The following SSH2 variants were observed in gnomAD, a reference collection of about 807,000 sequenced individuals.
SSH2 encodes the protein slingshot protein phosphatase 2.
SSH2 carries 37 observed loss-of-function variants against 135.2 expected under a neutral mutation model. The observed-to-expected ratio is 0.27, with a 90% CI of 0.21 to 0.36. The LOEUF is 0.36. Ranked by LOEUF, SSH2 falls within the 10% of genes least tolerant of loss-of-function variation. The pLI is 1.00. For missense variants in SSH2, 1,408 were observed against 1,765.3 expected, an observed-to-expected ratio of 0.80 and a Z score of 3.63; for synonymous variants, 628 against 646.2, an observed-to-expected ratio of 0.97 and a Z score of 0.43.
At chr17:29,694,976 G>A (rs2038665103) in intron 5 of SSH2, among the ~76,000 whole-genome samples, 1 of 152,122 alleles carries the variant, frequency 6.6e-6, no homozygotes, top group African/African-American at 2.4e-5. Context: ...GAGGAAATGG[G>A]CACAGACAGG....
At chr17:29,756,749 G>A (rs1413826358) in intron 3 of SSH2, among the ~76,000 whole-genome samples, 2 of 152,004 alleles carry the variant, frequency 1.3e-5, no homozygotes, top group Non-Finnish European at 2.9e-5. Flanking sequence ...CTGCCTCCCG[G>A]GTTCAAGCAA....
At chr17:29,849,063 C>T in intron 1 of SSH2, 134 bp from the exon 2 acceptor site, 1 of 555,326 alleles carries the variant, frequency 1.8e-6, no homozygotes, top group East Asian at 2.9e-5. Context: ...TTAGTGATGG[C>T]TATTTTGAGA....
At chr17:29,635,789 C>T (rs868657330) in intron 15 of SSH2, among the ~76,000 whole-genome samples, 179 bp downstream of exon 15, 1 of 152,070 alleles carries the variant, frequency 6.6e-6, no homozygotes, top group Non-Finnish European at 1.5e-5. Context: ...AGAAGTGCTT[C>T]CAATGACACC....
intron 3 of SSH2, among the ~76,000 whole-genome samples, chr17:29,764,041 G>A (rs1043228175): frequency 4.0e-5 from 6 of 150,668 alleles, no homozygotes; most frequent in Non-Finnish European, 5.9e-5. Context: ...CCTCCACCTC[G>A]CGGGTTCAAG....
At chr17:29,906,437 C>A (rs1408236975) in intron 1 of SSH2, among the ~76,000 whole-genome samples, 1 of 152,158 alleles carries the variant, frequency 6.6e-6, no homozygotes, top group Non-Finnish European at 1.5e-5. Context: ...CAATACCATT[C>A]AGGATATAGG....
chr17:29,667,027 C>G (rs1478116593), intron 10 of SSH2, 32 bp from the exon 11 acceptor site: 2 of 1,613,802 alleles, frequency 1.2e-6, no homozygotes, highest in Non-Finnish European at 1.7e-6. Flanking sequence ...GGACCCATCT[C>G]TTAAAGTCCC....
intron 3 of SSH2, among the ~76,000 whole-genome samples, chr17:29,772,305 G>A (rs1280975530): frequency 6.6e-6 from 1 of 151,056 alleles, no homozygotes; most frequent in Non-Finnish European, 1.5e-5. Context: ...GAGTGCAGTG[G>A]CGTGATCTCG....
At position 29,700,125 on chromosome 17, in the gene SSH2, A is replaced by C. The variant is rs527518838; in HGVS notation, c.292+2834T>G. 2.0e-5 allele frequency among the ~76,000 whole-genome samples: 3 copies of C among 152,272 alleles called. No homozygotes were observed. The South Asian group carries it at 6.2e-4, about 32-fold the overall frequency. On this transcript the variant is annotated intron_variant, in intron 4 of 15. Coordinates refer to ENST00000540801, the MANE Select transcript of SSH2 (RefSeq NM_001282129.2). The stretch of plus-strand genomic sequence containing the variant: ...AACTACTGGCTCAATGGGATCCAAT[A>C]TTTTTGGCTTTTACCTCTGACCTAA...
Position 29,667,139 on chromosome 17 carries a change from T to C in SSH2, c.894A>G (p.Thr298=), listed in dbSNP as rs762066051. Reference sequence around the variant, plus strand: ...ACTCAAGGTCTCTTACCTCTTTGGATGTAATATTCTCCAAATCCTTCTGCA... The same window carrying C: ...ACTCAAGGTCTCTTACCTCTTTGGACGTAATATTCTCCAAATCCTTCTGCA... ...IMMQKDLENI[T]SKEIRTELEM... is the part of the protein sequence containing the mutation. Residue 298 remains threonine (T), a synonymous_variant, in exon 10 of 16, where the codon ACA becomes ACG. Transcript: ENST00000540801. The C allele has an allele frequency of 2.5e-6, 4 of 1,611,618 alleles. No individual in the cohort carries two copies. The highest frequency in any genetic ancestry group is 1.3e-5 in the African/African-American group (1 of 74,860).
At chr17:29,696,308 G>A (rs2038739808) in intron 4 of SSH2, among the ~76,000 whole-genome samples, 1 of 145,064 alleles carries the variant, frequency 6.9e-6, no homozygotes, top group Admixed American at 6.9e-5. Flanking sequence ...ATGCATATAT[G>A]TATATAAATA....
chr17:29,727,063 C>T (rs1245339855), intron 3 of SSH2, among the ~76,000 whole-genome samples: 1 of 152,212 alleles, frequency 6.6e-6, no homozygotes, highest in African/African-American at 2.4e-5. Context: ...AGGCATCAAA[C>T]TTACAGCATT....
intron 1 of SSH2, chr17:29,929,735 C>T: frequency 1.7e-6 from 1 of 603,322 alleles, no homozygotes; most frequent in Non-Finnish European, 3.0e-6. Flanking sequence ...GCTAGGTGCT[C>T]AGGGTGATGG....
Position 29,627,599 on chromosome 17 carries a change from G to C in SSH2, c.*3242C>G, listed in dbSNP as rs1303281156. 3 of 152,454 alleles carry C rather than the reference G, an allele frequency of 2.0e-5. No individual in the cohort carries two copies. Among genetic ancestry groups the C allele is most frequent in the Non-Finnish European group, 4.4e-5 (3 of 68,000 alleles). The allele number at this position is 152,454 out of a possible 1,614,324, so 9.4% of individuals were successfully genotyped here. A position where few individuals can be genotyped will look rare whatever the true frequency, so the allele number is the denominator to read the frequency against. On this transcript the variant is annotated 3_prime_UTR_variant, in exon 16 of 16. Coordinates refer to ENST00000540801, the MANE Select transcript of SSH2 (RefSeq NM_001282129.2). ...CCTGTCTCAAGCCTCCTCAGAACCAGGAAAATACTAAAGATCCTGAAGAGA... is the reference window on the plus strand; with the variant it reads ...CCTGTCTCAAGCCTCCTCAGAACCACGAAAATACTAAAGATCCTGAAGAGA...
chr17:29,857,496 T>G (rs2065683713), intron 1 of SSH2, among the ~76,000 whole-genome samples: 1 of 152,104 alleles, frequency 6.6e-6, no homozygotes. Context: ...TCAACCATCT[T>G]AACTGATTTT....
Position 29,716,218 on chromosome 17 carries a change from C to T in SSH2, c.189-13156G>A, listed in dbSNP as rs2039617152. ...TCTCATACCCTTAAAAGAAAACAAC[C>T]TCCATGCCCCCAAACCTTAACTTGA... On this transcript the variant is annotated intron_variant, in intron 3 of 15. Transcript: ENST00000540801. 1.4e-5 allele frequency: 4 copies of T among 276,860 alleles called. No individual in the cohort carries two copies. The Admixed American group carries it at 1.8e-4, about 13-fold the overall frequency. 17.2% of individuals were successfully genotyped at this position (276,860 alleles called of 1,614,324 possible).
chr17:29,695,268 G>A (rs1400024171), intron 5 of SSH2, among the ~76,000 whole-genome samples, 191 bp downstream of exon 5: 1 of 152,144 alleles, frequency 6.6e-6, no homozygotes, highest in African/African-American at 2.4e-5. Context: ...TGTAATTATA[G>A]TTAATAACTT....
In SSH2 at chr17:29,626,170, T is replaced by C. The variant is rs1372879694; in HGVS notation, c.*4671A>G. The C allele has an allele frequency of 2.6e-5, 4 of 151,332 alleles. No homozygotes were observed. The East Asian group carries it at 7.8e-4, about 29-fold the overall frequency. 9.4% of individuals were successfully genotyped at this position (151,332 alleles called of 1,614,324 possible). A position where few individuals can be genotyped will look rare whatever the true frequency, so the allele number is the denominator to read the frequency against. On this transcript the variant is annotated 3_prime_UTR_variant, in exon 16 of 16. Transcript: ENST00000540801. ...AGATTCCAGGGAGCACCTGCTTTAATAAAACATGAGCATAAAAGTTTGGGG... is the reference window on the plus strand; with the variant it reads ...AGATTCCAGGGAGCACCTGCTTTAACAAAACATGAGCATAAAAGTTTGGGG...
At chr17:29,819,712 A>G (rs1390471171) in intron 2 of SSH2, among the ~76,000 whole-genome samples, 1 of 152,254 alleles carries the variant, frequency 6.6e-6, no homozygotes, top group Non-Finnish European at 1.5e-5. Flanking sequence ...TCTGCTTTTT[A>G]TAAAGTGATA....
chr17:29,813,121 G>A (rs1685669164), intron 2 of SSH2, among the ~76,000 whole-genome samples: 1 of 152,154 alleles, frequency 6.6e-6, no homozygotes, highest in Admixed American at 6.5e-5. Flanking sequence ...GGTGGCTCAC[G>A]CCTGTAATCC....
Sources: allele counts gnomAD v4.1 joint callset (sites outside exome capture counted in the v4.1 genomes callset), GRCh38; gene constraint gnomAD v4.1.1; transcripts MANE v1.5; gene names NCBI Gene and HGNC (gene_info 2026-07-23, HGNC 2026-07-21).